Variants in CD2AP observed in about 807,000 individuals in gnomAD.
CD2AP encodes the protein CD2-associated protein.
CD2AP carries 46 observed loss-of-function variants against 85.1 expected under a neutral mutation model. The ratio of observed to expected loss-of-function variants is 0.54; its 90% confidence interval spans 0.43 to 0.69. The LOEUF is 0.69. Among genes scored for constraint, CD2AP ranks in the 30% least tolerant of loss-of-function variants. CD2AP has a pLI of 0.00. For missense variants in CD2AP, 769 were observed against 729.5 expected, an observed-to-expected ratio of 1.05 and a Z score of -0.62; for synonymous variants, 255 against 252.9, an observed-to-expected ratio of 1.01 and a Z score of -0.08.
chr6:47,565,720 C>T (rs1767974324), intron 5 of CD2AP, among the ~76,000 whole-genome samples: 1 of 152,028 alleles, frequency 6.6e-6, no homozygotes, highest in Non-Finnish European at 1.5e-5. Context: ...CAGATTTTGT[C>T]AAAAAATGTT....
chr6:47,510,023 C>T (rs1461174455), intron 2 of CD2AP, among the ~76,000 whole-genome samples: 1 of 152,074 alleles, frequency 6.6e-6, no homozygotes, highest in African/African-American at 2.4e-5. Context: ...TTTCCTGTTT[C>T]AGTATAACTA....
At chr6:47,569,026 A>T (rs1022720657) in intron 5 of CD2AP, among the ~76,000 whole-genome samples, 9 of 152,218 alleles carry the variant, frequency 5.9e-5, no homozygotes, top group African/African-American at 2.2e-4. Context: ...AAAAGAGATC[A>T]TTAAGGACCT....
chr6:47,518,675 G>T (rs965963368), intron 2 of CD2AP, among the ~76,000 whole-genome samples: 8 of 152,184 alleles, frequency 5.3e-5, no homozygotes, highest in African/African-American at 1.7e-4. Flanking sequence ...GAGTGGGATT[G>T]CTGGGGTATA....
chr6:47,543,148 C>CAAAAAAAAAAAAAAAAAAAAAAAAA (rs11338409), intron 3 of CD2AP, among the ~76,000 whole-genome samples: 7 of 60,326 alleles, frequency 1.2e-4, no homozygotes, highest in African/African-American at 2.1e-4. Flanking sequence ...AAGACTGTCT[C>CAAAAAAAAAAAAAAAAAAAAAAAAA]AAAAAAAAAA....
chr6:47,598,935 T>TA (rs998590099), intron 12 of CD2AP, among the ~76,000 whole-genome samples: 24 of 149,528 alleles, frequency 1.6e-4, no homozygotes, highest in Admixed American at 6.0e-4. Context: ...AAAAAAAATT[T>TA]AAAAAAAAAT....
chr6:47,566,618 G>A (rs1214143479), intron 5 of CD2AP, among the ~76,000 whole-genome samples: 5 of 151,656 alleles, frequency 3.3e-5, no homozygotes, highest in East Asian at 1.9e-4. Context: ...CCCTTCCCCC[G>A]CTCCTCACCC....
At chr6:47,615,796 T>TA (rs1328707620) in intron 17 of CD2AP, among the ~76,000 whole-genome samples, 16 of 121,540 alleles carry the variant, frequency 1.3e-4, no homozygotes, top group East Asian at 9.9e-4. Context: ...TAATTTAATT[T>TA]ATTTATTTAT....
chr6:47,585,288 G>A (rs1429587036), intron 11 of CD2AP, among the ~76,000 whole-genome samples: 4 of 150,892 alleles, frequency 2.7e-5, no homozygotes, highest in Non-Finnish European at 5.9e-5. Context: ...GGGCGACAGA[G>A]CAAGACTCCG....
At chr6:47,621,958 A>G (rs980975336) in intron 17 of CD2AP, among the ~76,000 whole-genome samples, 3 of 152,162 alleles carry the variant, frequency 2.0e-5, no homozygotes, top group Admixed American at 2.0e-4. Flanking sequence ...GGGAAGGGCC[A>G]TCAGGTTGGG....
chr6:47,498,553 T>C (rs1281437736), intron 1 of CD2AP, among the ~76,000 whole-genome samples: 1 of 152,202 alleles, frequency 6.6e-6, no homozygotes, highest in African/African-American at 2.4e-5. Context: ...GGATGTTGGA[T>C]TGATTGGGCC....
chr6:47,528,119 G>A (rs567409002), intron 2 of CD2AP, among the ~76,000 whole-genome samples: 1 of 152,262 alleles, frequency 6.6e-6, no homozygotes, highest in Non-Finnish European at 1.5e-5. Flanking sequence ...TCAGATGCAT[G>A]TACTGTAGTT....
chr6:47,531,795 G>A (rs1022297253), intron 2 of CD2AP, among the ~76,000 whole-genome samples: 4 of 151,978 alleles, frequency 2.6e-5, no homozygotes, highest in Admixed American at 2.0e-4. Context: ...CTTTTCGGCC[G>A]GGCGTGGTGG....
At chr6:47,622,550 G>T (rs1769783043) in intron 17 of CD2AP, among the ~76,000 whole-genome samples, 2 of 152,086 alleles carry the variant, frequency 1.3e-5, no homozygotes, top group Admixed American at 6.6e-5. Flanking sequence ...ATTTTGCTTG[G>T]CTCTCTAAAT....
chr6:47,548,384 C>T (rs149054320), intron 4 of CD2AP, among the ~76,000 whole-genome samples: 2 of 152,226 alleles, frequency 1.3e-5, no homozygotes, highest in African/African-American at 4.8e-5. Context: ...ACAGTTGACA[C>T]CACAGAAATA....
chr6:47,550,593 T>C (rs1208366928), intron 4 of CD2AP, among the ~76,000 whole-genome samples: 1 of 152,142 alleles, frequency 6.6e-6, no homozygotes, highest in Admixed American at 6.6e-5. Flanking sequence ...CTGGTGGGAA[T>C]GTAAACTAGT....
At chr6:47,593,790 A>G (rs1445208625) in intron 11 of CD2AP, among the ~76,000 whole-genome samples, 3 of 152,174 alleles carry the variant, frequency 2.0e-5, no homozygotes, top group Non-Finnish European at 4.4e-5. Flanking sequence ...CATATGACCC[A>G]GCAGTTCCAA....
chr6:47,493,173 T>G (rs1360244191), intron 1 of CD2AP, among the ~76,000 whole-genome samples: 1 of 151,994 alleles, frequency 6.6e-6, no homozygotes, highest in African/African-American at 2.4e-5. Flanking sequence ...CTTCTATGCT[T>G]CTTCTTCATA....
At chr6:47,522,101 A>C (rs1440024000) in intron 2 of CD2AP, among the ~76,000 whole-genome samples, 1 of 152,156 alleles carries the variant, frequency 6.6e-6, no homozygotes, top group South Asian at 2.1e-4. Context: ...CTGTTCACTG[A>C]TGAGTTTCAT....
intron 2 of CD2AP, among the ~76,000 whole-genome samples, chr6:47,518,416 T>C (rs1766505859): frequency 6.6e-6 from 1 of 152,352 alleles, no homozygotes; most frequent in South Asian, 2.1e-4. Context: ...ATGCTTTTTG[T>C]CATTCTAGAT....
Sources: gnomAD v4.1 joint callset for allele counts (sites outside exome capture counted in the v4.1 genomes callset) on GRCh38, gnomAD v4.1.1 for gene constraint, MANE v1.5 for transcripts, NCBI Gene and HGNC (gene_info 2026-07-23, HGNC 2026-07-21) for gene names.